Variants in MYO3A observed in about 807,000 individuals in gnomAD.
MYO3A encodes the protein myosin-IIIa.
MYO3A carries 180 observed loss-of-function variants against 192.7 expected under a neutral mutation model. That is an observed-to-expected ratio of 0.93 (90% CI 0.83 to 1.06). The LOEUF is 1.06. MYO3A is among the 50% of genes least tolerant of loss of function. MYO3A has a pLI of 0.00. For synonymous variants in MYO3A, 628 were observed against 645.3 expected, an observed-to-expected ratio of 0.97 and a Z score of 0.41; for missense variants, 1,896 against 1,905.0, an observed-to-expected ratio of 1.00 and a Z score of 0.09.
Position 26,130,579 on chromosome 10 carries a change from T to G in MYO3A, c.2262+2041T>G, listed in dbSNP as rs1435319107. On this transcript the variant is annotated intron_variant, in intron 20 of 34. Coordinates refer to ENST00000642920, the MANE Select transcript of MYO3A (RefSeq NM_017433.5). ...AATTTCCCCCAACAAAATAAAACAT[T>G]CAACTAGAATCCAGGATTATACAAA... Among the ~76,000 whole-genome samples the G allele has an allele frequency of 2.0e-5, 3 of 152,200 alleles. No homozygotes were observed. In the East Asian group the frequency reaches 5.8e-4, roughly 29 times the overall value.
At position 26,125,357 on chromosome 10, in the gene MYO3A, T is replaced by C. The variant is rs944060953; in HGVS notation, c.1904-41T>C. On this transcript the variant is annotated intron_variant, in intron 18 of 34. Coordinates refer to ENST00000642920, the MANE Select transcript of MYO3A (RefSeq NM_017433.5). ...TTTCATTTTTGGGGAGTGACCTCAT[T>C]GCCATAATTTCTTCTAACAATGCAT... The C allele has an allele frequency of 1.9e-6, 3 of 1,592,340 alleles. No homozygotes were observed. The South Asian group carries it at 3.3e-5, about 18-fold the overall frequency.
At chr10:26,147,061 A>T (rs1333570739) in intron 22 of MYO3A, among the ~76,000 whole-genome samples, 2 of 152,226 alleles carry the variant, frequency 1.3e-5, no homozygotes, top group Non-Finnish European at 2.9e-5. Flanking sequence ...AATTCAACAC[A>T]GGTGGATCAA....
intron 17 of MYO3A, among the ~76,000 whole-genome samples, chr10:26,120,335 A>G (rs1838779304): frequency 6.6e-6 from 1 of 152,190 alleles, no homozygotes; most frequent in African/African-American, 2.4e-5. Flanking sequence ...TAAGTTCTGA[A>G]ATTAAATTCT....
intron 28 of MYO3A, among the ~76,000 whole-genome samples, chr10:26,170,207 T>C (rs906820264): frequency 3.3e-5 from 5 of 152,226 alleles, no homozygotes; most frequent in African/African-American, 1.2e-4. Flanking sequence ...CTTCTTAGTA[T>C]GAAAGTTACT....
intron 20 of MYO3A, among the ~76,000 whole-genome samples, chr10:26,130,390 C>T (rs1839462111): frequency 6.6e-6 from 1 of 152,228 alleles, no homozygotes. Flanking sequence ...TGATTACAGG[C>T]ATGAGCCACC....
chr10:26,167,782 G>A lies in MYO3A; in HGVS notation c.3112-930G>A, dbSNP rs140196130. Reference sequence around the variant, plus strand: ...ATTAAATCAAACCTGTAACACAAACGTGTTTACCCATGGTGCCAAGCTTTT... The same window carrying A: ...ATTAAATCAAACCTGTAACACAAACATGTTTACCCATGGTGCCAAGCTTTT... On this transcript the variant is annotated intron_variant, in intron 27 of 34. Coordinates refer to ENST00000642920, the MANE Select transcript of MYO3A (RefSeq NM_017433.5). Among the ~76,000 whole-genome samples the A allele has an allele frequency of 2.8e-3, 428 of 152,192 alleles. 3 individuals carry two copies. Among genetic ancestry groups the A allele is most frequent in the East Asian group, 9.8e-3 (51 of 5,180 alleles).
chr10:26,105,623 A>ATGT (rs1450267891), intron 17 of MYO3A, among the ~76,000 whole-genome samples: 1 of 151,970 alleles, frequency 6.6e-6, no homozygotes, highest in Non-Finnish European at 1.5e-5. Flanking sequence ...TGTGTTATAA[A>ATGT]TGTTTCTTTA....
chr10:26,198,272 G>A (rs1843513050), intron 32 of MYO3A, among the ~76,000 whole-genome samples: 3 of 152,092 alleles, frequency 2.0e-5, no homozygotes, highest in South Asian at 4.1e-4. Flanking sequence ...TGCTGCTGCT[G>A]TGTCCAAAAT....
At chr10:26,087,746 C>T (rs1438974228) in intron 14 of MYO3A, among the ~76,000 whole-genome samples, 1 of 152,214 alleles carries the variant, frequency 6.6e-6, no homozygotes, top group Admixed American at 6.5e-5. Flanking sequence ...TCTCAGTTTT[C>T]ACAATTATTC....
intron 14 of MYO3A, among the ~76,000 whole-genome samples, chr10:26,084,857 A>C (rs1025649907): frequency 3.9e-5 from 6 of 152,172 alleles, no homozygotes; most frequent in African/African-American, 1.4e-4. Context: ...ATTTTCTTCA[A>C]ATGTTTGGTG....
chr10:26,069,437 C>T (rs1835058839), intron 12 of MYO3A, among the ~76,000 whole-genome samples: 1 of 151,934 alleles, frequency 6.6e-6, no homozygotes, highest in South Asian at 2.1e-4. Flanking sequence ...TGGAATTAAA[C>T]AAGGTTGTTT....
chr10:26,038,107 T>C (rs1290017145), intron 10 of MYO3A, among the ~76,000 whole-genome samples: 2 of 152,246 alleles, frequency 1.3e-5, no homozygotes, highest in African/African-American at 4.8e-5. Context: ...ACTATGCCTC[T>C]GTAGTATAAT....
chr10:25,975,891 A>C (rs1564420792), intron 4 of MYO3A, among the ~76,000 whole-genome samples: 2 of 152,246 alleles, frequency 1.3e-5, no homozygotes, highest in Non-Finnish European at 2.9e-5. Flanking sequence ...AAACACAGTC[A>C]GCACACTAGG....
At chr10:26,178,501 C>T (rs1207622970) in intron 31 of MYO3A, among the ~76,000 whole-genome samples, 2 of 150,064 alleles carry the variant, frequency 1.3e-5, no homozygotes, top group Admixed American at 6.6e-5. Context: ...TGCAGTGAGC[C>T]GAAATCGTGC....
chr10:26,013,025 A>G (rs891162711), intron 6 of MYO3A, among the ~76,000 whole-genome samples: 2 of 152,110 alleles, frequency 1.3e-5, no homozygotes, highest in African/African-American at 4.8e-5. Flanking sequence ...AAATTAGGAA[A>G]TAGATACCCT....
chr10:26,211,366 G>A (rs1156901899), intron 34 of MYO3A, among the ~76,000 whole-genome samples: 1 of 152,176 alleles, frequency 6.6e-6, no homozygotes, highest in African/African-American at 2.4e-5. Flanking sequence ...CATAGCTCTT[G>A]GTGTCACTAA....
intron 10 of MYO3A, among the ~76,000 whole-genome samples, chr10:26,050,676 C>G (rs2131285062): frequency 6.6e-6 from 1 of 152,294 alleles, no homozygotes; most frequent in African/African-American, 2.4e-5. Context: ...ACTCAGGTCG[C>G]TCTATCTAAA....
At chr10:26,157,925 A>G (rs887056965) in intron 26 of MYO3A, among the ~76,000 whole-genome samples, 8 of 151,572 alleles carry the variant, frequency 5.3e-5, no homozygotes, top group African/African-American at 1.9e-4. Flanking sequence ...GCGTGGGGGG[A>G]TGCTACTGAC....
At chr10:25,997,128 T>G in intron 5 of MYO3A, 31 bp from the exon 6 acceptor site, 1 of 1,549,874 alleles carries the variant, frequency 6.5e-7, no homozygotes, top group Non-Finnish European at 8.9e-7. Flanking sequence ...ATGCTTTTGT[T>G]AAGAGTCATT....
Sources: allele counts gnomAD v4.1 joint callset (sites outside exome capture counted in the v4.1 genomes callset), GRCh38; gene constraint gnomAD v4.1.1; transcripts MANE v1.5; gene names NCBI Gene and HGNC (gene_info 2026-07-23, HGNC 2026-07-21).